EYA2: variants seen among roughly 807,000 people sequenced by gnomAD.
The protein encoded by EYA2 is protein phosphatase EYA2.
EYA2 carries 31 observed loss-of-function variants against 69.2 expected under a neutral mutation model. The ratio of observed to expected loss-of-function variants is 0.45; its 90% confidence interval spans 0.34 to 0.60. The LOEUF is 0.60. Ranked by LOEUF, EYA2 falls within the 20% of genes least tolerant of loss-of-function variation. EYA2 has a pLI of 0.02. For synonymous variants in EYA2, 257 were observed against 279.4 expected, an observed-to-expected ratio of 0.92 and a Z score of 0.80; for missense variants, 622 against 701.2, an observed-to-expected ratio of 0.89 and a Z score of 1.28.
chr20:47,049,337 A>G (rs1164103838), intron 5 of EYA2, among the ~76,000 whole-genome samples: 2 of 152,192 alleles, frequency 1.3e-5, no homozygotes, highest in Non-Finnish European at 2.9e-5. Context: ...CAGTTTTTCC[A>G]GAAACATCCA....
At position 46,919,470 on chromosome 20, in the gene EYA2, A is replaced by G. The variant is rs567375756; in HGVS notation, c.-11+24483A>G. Among the ~76,000 whole-genome samples, 8 of 152,350 alleles carry G rather than the reference A, an allele frequency of 5.3e-5. No individual in the cohort carries two copies. The East Asian group carries it at 1.5e-3, about 29-fold the overall frequency. ...CGCCTTGCACTTTTATGTTATAAAG[A>G]TGGCTGCTTTCCTTAAACCTCCTGA... On this transcript the variant is annotated intron_variant, in intron 1 of 15. Transcript: ENST00000327619.
chr20:46,937,054 G>A (rs1311095012), intron 1 of EYA2, among the ~76,000 whole-genome samples: 1 of 152,130 alleles, frequency 6.6e-6, no homozygotes, highest in Admixed American at 6.5e-5. Flanking sequence ...GCCTTGCCCT[G>A]TGAAGAAAGA....
intron 6 of EYA2, among the ~76,000 whole-genome samples, 192 bp downstream of exon 6, chr20:47,072,444 G>A (rs564390050): frequency 1.3e-5 from 2 of 152,304 alleles, no homozygotes; most frequent in South Asian, 4.1e-4. Flanking sequence ...AGGCGGAGAC[G>A]TAGGAATTGT....
chr20:47,083,966 C>T (rs2031810052), intron 7 of EYA2, among the ~76,000 whole-genome samples: 1 of 152,134 alleles, frequency 6.6e-6, no homozygotes, highest in South Asian at 2.1e-4. Flanking sequence ...ATGGGCAGGG[C>T]CAGGTGCAGT....
intron 1 of EYA2, among the ~76,000 whole-genome samples, chr20:46,972,305 G>A (rs895730884): frequency 3.3e-5 from 5 of 152,070 alleles, no homozygotes; most frequent in African/African-American, 1.2e-4. Flanking sequence ...TGGATTAAGT[G>A]TTATATTAGG....
At chr20:47,020,150 A>G (rs1054327476) in intron 5 of EYA2, among the ~76,000 whole-genome samples, 24 of 17,414 alleles carry the variant, frequency 1.4e-3, no homozygotes, top group Non-Finnish European at 5.6e-3. Context: ...AAGAAAAAAT[A>G]TATAATTTTT....
chr20:46,895,991 C>CCTTTT (rs1388727397), intron 1 of EYA2, among the ~76,000 whole-genome samples: 1 of 152,098 alleles, frequency 6.6e-6, no homozygotes, highest in Non-Finnish European at 1.5e-5. Context: ...TTATGGATAC[C>CCTTTT]CTTTTCTTTT....
intron 5 of EYA2, among the ~76,000 whole-genome samples, chr20:47,019,919 C>T (rs1203244120): frequency 6.7e-6 from 1 of 149,802 alleles, no homozygotes; most frequent in East Asian, 2.0e-4. Context: ...TGCAGTAAGC[C>T]GTGATCATGC....
Position 47,169,132 on chromosome 20 carries a change from T to G in EYA2, c.979-7T>G. On this transcript the variant is annotated splice_polypyrimidine_tract_variant and splice_region_variant and intron_variant, in intron 10 of 15. Transcript: ENST00000327619. ...CTCTCTCTCTCTCTCTGTCAAATTTTCCATAGGATTGTGACCAGATCCACG... is the reference window on the plus strand; with the variant it reads ...CTCTCTCTCTCTCTCTGTCAAATTTGCCATAGGATTGTGACCAGATCCACG... The G allele has an allele frequency of 6.2e-7, 1 of 1,613,208 alleles. No individual in the cohort carries two copies. The highest frequency in any genetic ancestry group is 8.5e-7 in the Non-Finnish European group (1 of 1,179,464).
chr20:47,163,926 C>G (rs1462159033), intron 10 of EYA2, among the ~76,000 whole-genome samples: 2 of 152,060 alleles, frequency 1.3e-5, no homozygotes, highest in African/African-American at 2.4e-5. Context: ...GCACCAGGTC[C>G]CGGTCCTCAG....
At chr20:47,172,934 C>A in intron 12 of EYA2, 67 bp downstream of exon 12, 1 of 1,510,280 alleles carries the variant, frequency 6.6e-7, no homozygotes, top group Non-Finnish European at 8.9e-7. Flanking sequence ...GTCAGTGTCC[C>A]TGCTGTGCCA....
intron 11 of EYA2, among the ~76,000 whole-genome samples, chr20:47,171,089 A>G (rs1414797277): frequency 6.6e-6 from 1 of 152,246 alleles, no homozygotes; most frequent in Non-Finnish European, 1.5e-5. Flanking sequence ...TAAACCCCAG[A>G]TCAAGGTTAA....
intron 1 of EYA2, among the ~76,000 whole-genome samples, chr20:46,905,962 G>A (rs1287827481): frequency 6.6e-6 from 1 of 151,098 alleles, no homozygotes; most frequent in African/African-American, 2.5e-5. Flanking sequence ...ACCGTTTGGG[G>A]ACTTTAGACA....
In EYA2 at chr20:47,033,106, A is replaced by G. The variant is rs569580290; in HGVS notation, c.415+16809A>G. On this transcript the variant is annotated intron_variant, in intron 5 of 15. Coordinates refer to ENST00000327619, the MANE Select transcript of EYA2 (RefSeq NM_005244.5). ...TGTGCAACCCCCAAGACCATAGCTC[A>G]GGGCCATCCCAGCTGCTGCTGCAGG... Among the ~76,000 whole-genome samples, 14 of 152,314 alleles carry G rather than the reference A, an allele frequency of 9.2e-5. No individual in the cohort carries two copies. The East Asian group carries it at 2.5e-3, about 27-fold the overall frequency.
At chr20:46,987,954 CTCTCTCTCTCT>C (rs1981363347) in intron 1 of EYA2, among the ~76,000 whole-genome samples, 1 of 43,578 alleles carries the variant, frequency 2.3e-5, no homozygotes, top group East Asian at 6.7e-4. Context: ...CTCTCTCTCT[CTCTCTCTCTCT>C]ATATATATAT....
At chr20:47,054,475 A>G (rs973591309) in intron 5 of EYA2, among the ~76,000 whole-genome samples, 4 of 152,192 alleles carry the variant, frequency 2.6e-5, no homozygotes, top group Non-Finnish European at 5.9e-5. Flanking sequence ...CTGAATGTCT[A>G]CCCTGCACCA....
At chr20:46,940,112 A>G (rs1986090771) in intron 1 of EYA2, among the ~76,000 whole-genome samples, 1 of 152,226 alleles carries the variant, frequency 6.6e-6, no homozygotes. Context: ...TCATGGAGGA[A>G]GAAAGGCTCA....
At chr20:47,024,872 TG>T (rs1983988465) in intron 5 of EYA2, among the ~76,000 whole-genome samples, 1 of 152,206 alleles carries the variant, frequency 6.6e-6, no homozygotes, top group South Asian at 2.1e-4. Flanking sequence ...TCCACTGCAT[TG>T]GTTCATTTGT....
At chr20:46,987,928 CTCT>C (rs1568706923) in intron 1 of EYA2, among the ~76,000 whole-genome samples, 27 of 29,206 alleles carry the variant, frequency 9.2e-4, no homozygotes, top group South Asian at 1.6e-3. Context: ...CTCTCTCTCT[CTCT>C]CTCTCTCTCT....
Sources: gnomAD v4.1 joint callset for allele counts (sites outside exome capture counted in the v4.1 genomes callset) on GRCh38, gnomAD v4.1.1 for gene constraint, MANE v1.5 for transcripts, NCBI Gene and HGNC (gene_info 2026-07-23, HGNC 2026-07-21) for gene names.